Variants in LRP1B observed in about 807,000 individuals in gnomAD.
LRP1B encodes the protein low-density lipoprotein receptor-related protein 1B.
LRP1B carries 217 observed loss-of-function variants against 556.6 expected under a neutral mutation model. That is an observed-to-expected ratio of 0.39 (90% CI 0.35 to 0.44). The LOEUF (loss-of-function observed/expected upper bound fraction) is 0.44, where lower values mean the gene tolerates loss of function less well. LRP1B is among the 20% of genes least tolerant of loss of function. LRP1B has a pLI of 1.00. For missense variants in LRP1B, 5,053 were observed against 5,620.8 expected, an observed-to-expected ratio of 0.90 and a Z score of 3.23; for synonymous variants, 2,047 against 1,865.8, an observed-to-expected ratio of 1.10 and a Z score of -2.50.
intron 3 of LRP1B, among the ~76,000 whole-genome samples, chr2:141,319,588 T>G (rs1358759711): frequency 1.3e-5 from 2 of 152,060 alleles, no homozygotes; most frequent in African/African-American, 2.4e-5. Flanking sequence ...TTCTTCCAAA[T>G]TAATTTGACC....
At chr2:142,087,578 A>AATGAATATAAATATT (rs1705994865) in intron 1 of LRP1B, among the ~76,000 whole-genome samples, 1 of 151,416 alleles carries the variant, frequency 6.6e-6, no homozygotes, top group Non-Finnish European at 1.5e-5. Context: ...ATATAAATAT[A>AATGAATATAAATATT]ATGAATATAA....
chr2:140,579,756 C>T (rs1263613744), intron 43 of LRP1B, among the ~76,000 whole-genome samples: 1 of 152,094 alleles, frequency 6.6e-6, no homozygotes, highest in African/African-American at 2.4e-5. Context: ...GCAGGAGAAT[C>T]GCTTGAAGCC....
intron 66 of LRP1B, among the ~76,000 whole-genome samples, chr2:140,423,723 C>T (rs1685545318): frequency 6.6e-6 from 1 of 152,160 alleles, no homozygotes; most frequent in East Asian, 1.9e-4. Flanking sequence ...AGAGCTAGAG[C>T]TTGAGGAATG....
intron 1 of LRP1B, among the ~76,000 whole-genome samples, chr2:141,934,872 A>T (rs1700592984): frequency 6.6e-6 from 1 of 152,180 alleles, no homozygotes; most frequent in Admixed American, 6.6e-5. Context: ...TAAGTTACCC[A>T]GTCTTGGGTA....
At chr2:141,428,232 T>G (rs868528309) in intron 3 of LRP1B, among the ~76,000 whole-genome samples, 1 of 152,206 alleles carries the variant, frequency 6.6e-6, no homozygotes. Context: ...AGCTTTCTGA[T>G]TGAATTGTGA....
intron 71 of LRP1B, among the ~76,000 whole-genome samples, chr2:140,370,223 C>G (rs17722942): frequency 0.02 from 3,085 of 151,928 alleles, 37 homozygotes; most frequent in African/African-American, 0.028. Flanking sequence ...CTCAGTGATA[C>G]GGCAATAAGG....
intron 2 of LRP1B, among the ~76,000 whole-genome samples, chr2:141,577,503 G>T (rs1050813955): frequency 1.3e-5 from 2 of 152,190 alleles, no homozygotes; most frequent in Admixed American, 1.3e-4. Flanking sequence ...GTCTGGAAGT[G>T]GATTGAGCTG....
At position 140,238,094 on chromosome 2, in the gene LRP1B, A is replaced by C. The variant is rs879170511; in HGVS notation, c.13560+58T>G. 8.2e-6 allele frequency: 12 copies of C among 1,465,598 alleles called. No homozygotes were observed. In the South Asian group the frequency reaches 1.6e-4, roughly 20 times the overall value. 90.8% of individuals were successfully genotyped at this position (1,465,598 alleles called of 1,614,324 possible). Reference sequence around the variant, plus strand: ...ACTTGGTGAAATTCAGAACCATAAAACAGAGATGCGACTCAAGAATGTTAG... The same window carrying C: ...ACTTGGTGAAATTCAGAACCATAAACCAGAGATGCGACTCAAGAATGTTAG... On this transcript the variant is annotated intron_variant, in intron 89 of 90. Transcript: ENST00000389484.
chr2:140,352,517 C>A (rs773954286), intron 76 of LRP1B, among the ~76,000 whole-genome samples: 5 of 152,134 alleles, frequency 3.3e-5, no homozygotes, highest in Middle Eastern at 6.8e-3. Context: ...AAGTGGAGGA[C>A]TTCTAAATTT....
At chr2:140,868,007 A>C (rs924924734) in intron 26 of LRP1B, 92 bp downstream of exon 26, 2 of 1,382,690 alleles carry the variant, frequency 1.4e-6, no homozygotes, top group African/African-American at 3.0e-5. Context: ...TAATATATGT[A>C]TACATGATAC....
At chr2:141,971,480 G>A (rs938230370) in intron 1 of LRP1B, among the ~76,000 whole-genome samples, 1 of 151,426 alleles carries the variant, frequency 6.6e-6, no homozygotes, top group Non-Finnish European at 1.5e-5. Context: ...CTTTCCTAAT[G>A]TGTAGGTGAC....
chr2:141,128,020 TG>T (rs1701259556), intron 7 of LRP1B, among the ~76,000 whole-genome samples: 4 of 152,172 alleles, frequency 2.6e-5, no homozygotes. Context: ...GACATGTTTT[TG>T]CTATATTGCC....
chr2:141,139,966 TAAAC>T (rs1238990559), intron 7 of LRP1B, among the ~76,000 whole-genome samples: 1 of 151,944 alleles, frequency 6.6e-6, no homozygotes, highest in African/African-American at 2.4e-5. Flanking sequence ...GGTGTATGAA[TAAAC>T]AAACTGTGGT....
chr2:141,608,695 A>T (rs1343517667), intron 2 of LRP1B, among the ~76,000 whole-genome samples: 6 of 152,196 alleles, frequency 3.9e-5, no homozygotes, highest in African/African-American at 1.4e-4. Flanking sequence ...TTAATTTATT[A>T]TAAGTATTAC....
chr2:140,482,406 C>T (rs1015426723), intron 59 of LRP1B, among the ~76,000 whole-genome samples: 5 of 152,106 alleles, frequency 3.3e-5, no homozygotes, highest in African/African-American at 1.2e-4. Context: ...AGAGTTTTAA[C>T]ATATTTACAT....
At chr2:141,136,278 A>G (rs1248105753) in intron 7 of LRP1B, among the ~76,000 whole-genome samples, 2 of 151,854 alleles carry the variant, frequency 1.3e-5, no homozygotes, top group Non-Finnish European at 2.9e-5. Flanking sequence ...CATAGGTAAA[A>G]AGTCACCCTG....
At chr2:141,577,270 T>G (rs1686785738) in intron 2 of LRP1B, among the ~76,000 whole-genome samples, 1 of 152,176 alleles carries the variant, frequency 6.6e-6, no homozygotes, top group African/African-American at 2.4e-5. Context: ...GTCTGTGTGT[T>G]GTTTCTTTTG....
chr2:141,795,986 T>C (rs1695799651), intron 2 of LRP1B, among the ~76,000 whole-genome samples: 1 of 148,398 alleles, frequency 6.7e-6, no homozygotes, highest in Non-Finnish European at 1.5e-5. Flanking sequence ...AGAGGTTCAG[T>C]TTATTCATGG....
chr2:140,677,368 AAG>A lies in LRP1B; in HGVS notation c.6799+22880_6799+22881del, dbSNP rs201807938. 3.9e-5 allele frequency among the ~76,000 whole-genome samples: 6 copies of A among 152,322 alleles called. No homozygotes were observed. In the East Asian group the frequency reaches 9.7e-4, roughly 25 times the overall value. On this transcript the variant is annotated intron_variant, in intron 41 of 90. Coordinates refer to ENST00000389484, the MANE Select transcript of LRP1B (RefSeq NM_018557.3). ...GTGGAGAGGACAATGGGATCCACGA[AAG>A]AGAGCAATTTGTTTATAGTTTTATT...
Sources: gnomAD v4.1 joint callset for allele counts (sites outside exome capture counted in the v4.1 genomes callset) on GRCh38, gnomAD v4.1.1 for gene constraint, MANE v1.5 for transcripts, NCBI Gene and HGNC (gene_info 2026-07-23, HGNC 2026-07-21) for gene names.